CNTNAP5: variants seen among roughly 807,000 people sequenced by gnomAD.
CNTNAP5 encodes contactin associated protein family member 5.
In CNTNAP5, 72 loss-of-function variants were observed where a neutral mutation model predicts 150.2. That is an observed-to-expected ratio of 0.48 (90% CI 0.40 to 0.58). CNTNAP5 has a LOEUF of 0.58. Among genes scored for constraint, CNTNAP5 ranks in the 20% least tolerant of loss-of-function variants. The pLI, the probability that CNTNAP5 is intolerant of heterozygous loss-of-function variation, is 0.00. For missense variants in CNTNAP5, 1,636 were observed against 1,626.2 expected, an observed-to-expected ratio of 1.01 and a Z score of -0.10; for synonymous variants, 672 against 619.8, an observed-to-expected ratio of 1.08 and a Z score of -1.25.
At chr2:124,077,994 G>T (rs1682477467) in intron 1 of CNTNAP5, among the ~76,000 whole-genome samples, 2 of 152,190 alleles carry the variant, frequency 1.3e-5, no homozygotes, top group Non-Finnish European at 2.9e-5. Flanking sequence ...AAATGACAAT[G>T]AAGTCAAATG....
intron 1 of CNTNAP5, among the ~76,000 whole-genome samples, chr2:124,166,910 C>G (rs1008364634): frequency 6.6e-6 from 1 of 152,106 alleles, no homozygotes; most frequent in Middle Eastern, 3.2e-3. Context: ...AGATGGAGCC[C>G]ACAGGATTAT....
At chr2:124,679,775 G>A (rs1366842969) in intron 13 of CNTNAP5, among the ~76,000 whole-genome samples, 1 of 151,726 alleles carries the variant, frequency 6.6e-6, no homozygotes, top group Non-Finnish European at 1.5e-5. Context: ...ATGTTGCCCA[G>A]GCTAGTCTCA....
Position 124,873,555 on chromosome 2 carries a change from T to C in CNTNAP5, c.3436+3793T>C, listed in dbSNP as rs114961266. Among the ~76,000 whole-genome samples, 1,095 of 152,206 alleles carry C rather than the reference T, an allele frequency of 7.2e-3. 8 individuals are homozygous for C. Among genetic ancestry groups the C allele is most frequent in the Non-Finnish European group, 9.2e-3 (628 of 67,992 alleles). On this transcript the variant is annotated intron_variant, in intron 21 of 23. Transcript: ENST00000682447. ...AACACTCTGGTCTATGAAAGTTCCCTAGCAGAAGGTAAAGGGAGACAATAT... is the reference window on the plus strand; with the variant it reads ...AACACTCTGGTCTATGAAAGTTCCCCAGCAGAAGGTAAAGGGAGACAATAT...
In CNTNAP5 at chr2:124,914,913, T is replaced by C. The variant is rs1678731946; in HGVS notation, c.*625T>C. On this transcript the variant is annotated 3_prime_UTR_variant, in exon 24 of 24. Coordinates refer to ENST00000682447, the MANE Select transcript of CNTNAP5 (RefSeq NM_001367498.1). ...TCAAATATATGATTGCTGATAGTAG[T>C]GACCAAAACTACTTTGTTCCTTTCT... The C allele has an allele frequency of 6.6e-6, 1 of 152,078 alleles. No individual in the cohort carries two copies. Among genetic ancestry groups the C allele is most frequent in the Non-Finnish European group, 1.5e-5 (1 of 68,024 alleles). 9.4% of individuals were successfully genotyped at this position (152,078 alleles called of 1,614,324 possible). A position where few individuals can be genotyped will look rare whatever the true frequency, so the allele number is the denominator to read the frequency against.
chr2:124,511,396 T>C (rs1417888838), intron 8 of CNTNAP5, among the ~76,000 whole-genome samples: 1 of 152,202 alleles, frequency 6.6e-6, no homozygotes, highest in Non-Finnish European at 1.5e-5. Flanking sequence ...AGTTTTTGTT[T>C]GTTTGTTTGT....
intron 7 of CNTNAP5, among the ~76,000 whole-genome samples, chr2:124,494,441 A>G (rs1484331126): frequency 6.6e-6 from 1 of 152,146 alleles, no homozygotes; most frequent in East Asian, 1.9e-4. Context: ...CTAGGCCCCT[A>G]GCAGGTTGGA....
At chr2:124,386,735 C>A (rs1317369438) in intron 3 of CNTNAP5, among the ~76,000 whole-genome samples, 1 of 152,118 alleles carries the variant, frequency 6.6e-6, no homozygotes, top group African/African-American at 2.4e-5. Context: ...AAATGTCTCC[C>A]CAGTTTTGTT....
intron 3 of CNTNAP5, among the ~76,000 whole-genome samples, chr2:124,283,946 A>G (rs752592393): frequency 8.5e-5 from 13 of 152,178 alleles, no homozygotes; most frequent in Non-Finnish European, 1.5e-4. Context: ...TTATGTTTCA[A>G]CATGTCAGTA....
intron 6 of CNTNAP5, among the ~76,000 whole-genome samples, chr2:124,469,381 C>T (rs145924654): frequency 4.6e-5 from 7 of 151,726 alleles, no homozygotes; most frequent in Admixed American, 2.0e-4. Context: ...CATAACTGAG[C>T]GAAGTAGAGC....
At chr2:124,195,278 T>A (rs766986906) in intron 1 of CNTNAP5, among the ~76,000 whole-genome samples, 1 of 152,162 alleles carries the variant, frequency 6.6e-6, no homozygotes, top group Non-Finnish European at 1.5e-5. Context: ...GCGTGCATCC[T>A]GGAGAAATTC....
intron 10 of CNTNAP5, 40 bp from the exon 11 acceptor site, chr2:124,563,177 T>G: frequency 1.5e-6 from 2 of 1,325,492 alleles, no homozygotes; most frequent in Non-Finnish European, 2.1e-6. Flanking sequence ...TGCCAAATGA[T>G]TTGGTTTATT....
chr2:124,272,463 T>A (rs2104614455), intron 3 of CNTNAP5, among the ~76,000 whole-genome samples: 1 of 152,254 alleles, frequency 6.6e-6, no homozygotes, highest in East Asian at 1.9e-4. Flanking sequence ...GCCTGAGAAC[T>A]TTGCAGAAAC....
chr2:124,435,555 C>T (rs936596615), intron 5 of CNTNAP5, among the ~76,000 whole-genome samples: 3 of 151,914 alleles, frequency 2.0e-5, no homozygotes, highest in Admixed American at 6.6e-5. Context: ...AGAATGACTC[C>T]CTGCCTCCCA....
At chr2:124,824,590 T>G (rs1477521155) in intron 19 of CNTNAP5, among the ~76,000 whole-genome samples, 1 of 152,056 alleles carries the variant, frequency 6.6e-6, no homozygotes, top group Admixed American at 6.6e-5. Flanking sequence ...AAATCCATGG[T>G]TTGTCAATTA....
chr2:124,605,251 T>A (rs1697075187), intron 11 of CNTNAP5, among the ~76,000 whole-genome samples: 1 of 152,306 alleles, frequency 6.6e-6, no homozygotes, highest in South Asian at 2.1e-4. Flanking sequence ...AATCATGGCT[T>A]AGTCATGACT....
chr2:124,510,506 T>TATATATAC (rs1694559639), intron 8 of CNTNAP5, among the ~76,000 whole-genome samples: 1 of 63,464 alleles, frequency 1.6e-5, no homozygotes, highest in Non-Finnish European at 3.2e-5. Context: ...TATATATATA[T>TATATATAC]ATATATATAT....
chr2:124,632,176 A>G (rs1677874259), intron 12 of CNTNAP5, among the ~76,000 whole-genome samples: 1 of 152,206 alleles, frequency 6.6e-6, no homozygotes, highest in African/African-American at 2.4e-5. Flanking sequence ...TGGAAATACC[A>G]TTTGACCCAG....
At chr2:124,910,231 G>T (rs758062151) in intron 22 of CNTNAP5, among the ~76,000 whole-genome samples, 5 of 151,978 alleles carry the variant, frequency 3.3e-5, no homozygotes, top group Non-Finnish European at 7.4e-5. Context: ...ATGAAGAATT[G>T]CGTGTCTTGG....
chr2:124,682,850 T>C (rs987657089), intron 13 of CNTNAP5, among the ~76,000 whole-genome samples: 1 of 152,192 alleles, frequency 6.6e-6, no homozygotes, highest in East Asian at 1.9e-4. Context: ...TGGAAAAGGA[T>C]GTTGGCTAAT....
Sources: allele counts gnomAD v4.1 joint callset (sites outside exome capture counted in the v4.1 genomes callset), GRCh38; gene constraint gnomAD v4.1.1; transcripts MANE v1.5; gene names NCBI Gene and HGNC (gene_info 2026-07-23, HGNC 2026-07-21).